The following LYPLAL1 variants were observed in gnomAD, a reference collection of about 807,000 sequenced individuals.
The protein encoded by LYPLAL1 is lysophospholipase like 1.
A neutral mutation model predicts 19.7 loss-of-function variants in LYPLAL1; 23 were observed. That is an observed-to-expected ratio of 1.17 (90% CI 0.84 to 1.65). The LOEUF is 1.65. Among genes scored for constraint, LYPLAL1 ranks in the 40% most tolerant of loss-of-function variants. The pLI is 0.00. For missense variants in LYPLAL1, 355 were observed against 279.4 expected (o/e 1.27, Z -1.93); for synonymous variants, 119 against 96.3 (o/e 1.24, Z -1.38).
downstream of LYPLAL1, among the ~76,000 whole-genome samples, chr1:219,216,090 T>G (rs901391852): frequency 1.3e-5 from 2 of 152,122 alleles, no homozygotes; most frequent in African/African-American, 4.8e-5. Context: ...AAAATGCACT[T>G]ATTTTTCATA....
At chr1:219,243,786 G>C in the LYPLAL1 span, among the ~76,000 whole-genome samples, 5 of 151,968 alleles carry the variant, frequency 3.3e-5, no homozygotes, top group Non-Finnish European at 1.5e-5. Flanking sequence ...GGACGTGGTG[G>C]TGGGTGCCTG....
chr1:219,445,381 G>T, the LYPLAL1 span, among the ~76,000 whole-genome samples: 2 of 110,370 alleles, frequency 1.8e-5, no homozygotes. Context: ...GTTTTTCTTG[G>T]TGCTCCTAAT....
the LYPLAL1 span, among the ~76,000 whole-genome samples, chr1:219,351,374 A>G: frequency 2.6e-5 from 4 of 152,078 alleles, no homozygotes; most frequent in Non-Finnish European, 5.9e-5. Flanking sequence ...GGAATAATAG[A>G]GCAGAGAGAG....
rs980637510 is a variant in LYPLAL1, at chr1:219,205,098, C to G, written c.362-5434C>G. 3.9e-5 allele frequency among the ~76,000 whole-genome samples: 6 copies of G among 152,068 alleles called. No homozygotes were observed. In the East Asian group the frequency reaches 1.2e-3, roughly 29 times the overall value. On this transcript the variant is annotated intron_variant, in intron 3 of 4. Coordinates refer to ENST00000366928, the MANE Select transcript of LYPLAL1 (RefSeq NM_138794.5). ...GTAACCATTAAGTACTACATGCACA[C>G]ACACATAAAAAGCACTCAGTAGGCC...
chr1:219,427,659 C>T, the LYPLAL1 span, among the ~76,000 whole-genome samples: 1 of 152,196 alleles, frequency 6.6e-6, no homozygotes, highest in Admixed American at 6.5e-5. Flanking sequence ...CATCAACCTC[C>T]AAGCTCTGCT....
chr1:219,215,790 A>G (rs1273683870), downstream of LYPLAL1, among the ~76,000 whole-genome samples: 1 of 152,068 alleles, frequency 6.6e-6, no homozygotes, highest in East Asian at 1.9e-4. Flanking sequence ...CCCATTTCTG[A>G]GGGTTCACTG....
At chr1:219,410,960 C>T in the LYPLAL1 span, among the ~76,000 whole-genome samples, 161 of 152,316 alleles carry the variant, frequency 1.1e-3, no homozygotes, top group African/African-American at 3.4e-3. Context: ...CTGTGTGGCC[C>T]GAGCCTCCCC....
At chr1:219,263,578 G>T in the LYPLAL1 span, among the ~76,000 whole-genome samples, 1 of 152,104 alleles carries the variant, frequency 6.6e-6, no homozygotes, top group Non-Finnish European at 1.5e-5. Context: ...ACGAAGTTCA[G>T]TGGGAAGCTT....
At chr1:219,360,264 C>T in the LYPLAL1 span, among the ~76,000 whole-genome samples, 1 of 152,152 alleles carries the variant, frequency 6.6e-6, no homozygotes, top group Non-Finnish European at 1.5e-5. Context: ...GAACTGGATG[C>T]CTTGCATCGG....
chr1:219,275,653 A>C, the LYPLAL1 span, among the ~76,000 whole-genome samples: 2 of 152,164 alleles, frequency 1.3e-5, no homozygotes, highest in Non-Finnish European at 2.9e-5. Context: ...ATGTACTATT[A>C]AGGTGATCTA....
rs777053239 is a variant in LYPLAL1, at chr1:219,173,935, G to GC, written c.47dup (p.Ala17GlyfsTer5). ...CGGTTCTGCAGCGCTGTATCGTGTCGCCGGCAGGGAGGCATAGCGCCTCTC... is the reference window on the plus strand; with the variant it reads ...CGGTTCTGCAGCGCTGTATCGTGTCGCCCGGCAGGGAGGCATAGCGCCTCTC... On this transcript the variant is annotated frameshift_variant, in exon 1 of 5. Coordinates refer to ENST00000366928, the MANE Select transcript of LYPLAL1 (RefSeq NM_138794.5). LOFTEE classifies it high-confidence loss of function. 1.9e-6 allele frequency: 3 copies of GC among 1,613,902 alleles called. No individual in the cohort carries two copies. The South Asian group carries it at 3.3e-5, about 18-fold the overall frequency.
At chr1:219,298,728 G>C in the LYPLAL1 span, among the ~76,000 whole-genome samples, 1 of 152,214 alleles carries the variant, frequency 6.6e-6, no homozygotes, top group Non-Finnish European at 1.5e-5. Context: ...AAGCAGACCT[G>C]GAGTTGCACA....
At chr1:219,194,796 A>G (rs1229114820) in intron 3 of LYPLAL1, among the ~76,000 whole-genome samples, 3 of 152,234 alleles carry the variant, frequency 2.0e-5, no homozygotes, top group African/African-American at 7.2e-5. Context: ...GAAAGATGGC[A>G]GTGGCATTTA....
chr1:219,309,136 A>G, the LYPLAL1 span, among the ~76,000 whole-genome samples: 135,192 of 152,248 alleles, frequency 0.89, 60,060 homozygotes, highest in East Asian at 0.99. Flanking sequence ...TGACTGCCCC[A>G]CTGGATTTGA....
intron 2 of LYPLAL1, among the ~76,000 whole-genome samples, chr1:219,188,592 GTTAAC>G (rs1656909885): frequency 6.6e-6 from 1 of 151,498 alleles, no homozygotes; most frequent in Non-Finnish European, 1.5e-5. Context: ...GTGCCAATTT[GTTAAC>G]TTAAAGGTTA....
At chr1:219,326,162 C>T in the LYPLAL1 span, among the ~76,000 whole-genome samples, 1 of 152,188 alleles carries the variant, frequency 6.6e-6, no homozygotes, top group Non-Finnish European at 1.5e-5. Flanking sequence ...GACCCGCCTG[C>T]CTCGGCCTCT....
At chr1:219,256,194 T>G in the LYPLAL1 span, among the ~76,000 whole-genome samples, 1 of 151,934 alleles carries the variant, frequency 6.6e-6, no homozygotes, top group Non-Finnish European at 1.5e-5. Context: ...GTTATCTTTT[T>G]GCGGAGATTA....
chr1:219,200,290 G>A (rs1460188197), intron 3 of LYPLAL1: 7 of 216,608 alleles, frequency 3.2e-5, no homozygotes, highest in Non-Finnish European at 5.0e-5. Flanking sequence ...TGTAGCTCCA[G>A]TACTTCTGTT....
intron 3 of LYPLAL1, among the ~76,000 whole-genome samples, chr1:219,196,090 T>G (rs1657581071): frequency 6.6e-6 from 1 of 152,132 alleles, no homozygotes; most frequent in Non-Finnish European, 1.5e-5. Flanking sequence ...TGATGGGCGT[T>G]TGGATTGATT....
Sources: gnomAD v4.1 joint callset for allele counts (sites outside exome capture counted in the v4.1 genomes callset) on GRCh38, gnomAD v4.1.1 for gene constraint, MANE v1.5 for transcripts, NCBI Gene and HGNC (gene_info 2026-07-23, HGNC 2026-07-21) for gene names.